TENT4A: variants seen among roughly 807,000 people sequenced by gnomAD.
TENT4A encodes terminal nucleotidyltransferase 4A, also known as DNA polymerase kappa.
A neutral mutation model predicts 72.8 loss-of-function variants in TENT4A; 7 were observed. The ratio of observed to expected loss-of-function variants is 0.10; its 90% CI spans 0.05 to 0.18. The LOEUF is 0.18. TENT4A is among the 10% of genes least tolerant of loss of function. TENT4A has a pLI of 1.00. For missense variants in TENT4A, 831 were observed against 1,017.7 expected, an observed-to-expected ratio of 0.82 and a Z score of 2.50; for synonymous variants, 456 against 434.3, an observed-to-expected ratio of 1.05 and a Z score of -0.62.
Position 6,746,232 on chromosome 5 carries a change from G to T in TENT4A, c.1264G>T (p.Ala422Ser). Residue 422 changes from alanine (A) to serine (S), a missense_variant, in exon 7 of 13, where the codon GCC becomes TCC. Ala to Ser is a moderately conservative substitution (Grantham distance 99). Coordinates refer to ENST00000230859, the MANE Select transcript of TENT4A (RefSeq NM_006999.6). ...SFLQLHPRIDARRADENLGML... is the reference protein window; with the variant it reads ...SFLQLHPRIDSRRADENLGML... Reference sequence around the variant, plus strand: ...TTTACAGTTGCATCCAAGAATTGATGCCCGGAGAGCTGATGAAAACCTTGG... The same window carrying T: ...TTTACAGTTGCATCCAAGAATTGATTCCCGGAGAGCTGATGAAAACCTTGG... 1.9e-6 allele frequency: 3 copies of T among 1,614,206 alleles called. No homozygotes were observed. The highest frequency in any genetic ancestry group is 2.5e-6 in the Non-Finnish European group (3 of 1,180,036).
At chr5:6,751,250 G>T in intron 11 of TENT4A, 53 bp downstream of exon 11, 1 of 1,578,024 alleles carries the variant, frequency 6.3e-7, no homozygotes, top group South Asian at 1.1e-5. Flanking sequence ...AACAGCATCC[G>T]AGCTGTGATA....
At position 6,757,044 on chromosome 5, in the gene TENT4A, A is replaced by G. The variant is rs1488431236; in HGVS notation, c.*2099A>G. On this transcript the variant is annotated 3_prime_UTR_variant, in exon 13 of 13. Coordinates refer to ENST00000230859, the MANE Select transcript of TENT4A (RefSeq NM_006999.6). ...TGATTTTTAATAAACTTTGGAAACC[A>G]GTTTTGTGTTTGTGTCCAAGTGTAT... 6.6e-6 allele frequency: 1 copy of G among 152,426 alleles called. No individual in the cohort carries two copies. Among genetic ancestry groups the G allele is most frequent in the African/African-American group, 2.4e-5 (1 of 41,450 alleles). The allele number at this position is 152,426 out of a possible 1,614,324, so 9.4% of individuals were successfully genotyped here. A position where few individuals can be genotyped will look rare whatever the true frequency, so the allele number is the denominator to read the frequency against.
chr5:6,730,719 T>C (rs1003686098), intron 1 of TENT4A, among the ~76,000 whole-genome samples: 1 of 147,874 alleles, frequency 6.8e-6, no homozygotes, highest in Non-Finnish European at 1.5e-5. Context: ...GTTTCATTTA[T>C]AGTTTCAGTC....
At chr5:6,748,363 G>C (rs902140105) in intron 7 of TENT4A, 101 bp from the exon 8 acceptor site, 1 of 1,482,564 alleles carries the variant, frequency 6.7e-7, no homozygotes, top group South Asian at 1.2e-5. Flanking sequence ...AAGAGTTTCA[G>C]TGGTGAGGGC....
At chr5:6,752,787 G>A in intron 11 of TENT4A, 86 bp from the exon 12 acceptor site, 2 of 1,171,202 alleles carry the variant, frequency 1.7e-6, no homozygotes, top group Non-Finnish European at 2.5e-6. Flanking sequence ...TTTATCAGCT[G>A]CCCTTTGGTG....
At chr5:6,715,397 G>A (rs1031150564) in intron 1 of TENT4A, among the ~76,000 whole-genome samples, 1 of 152,224 alleles carries the variant, frequency 6.6e-6, no homozygotes, top group Non-Finnish European at 1.5e-5. Context: ...CAGACGGCAA[G>A]GAATGAAACG....
chr5:6,746,726 A>G (rs1742120880), intron 7 of TENT4A, among the ~76,000 whole-genome samples: 1 of 152,250 alleles, frequency 6.6e-6, no homozygotes, highest in Admixed American at 6.5e-5. Context: ...TCTCTGAAGT[A>G]TGTAATATAG....
At position 6,713,867 on chromosome 5, in the gene TENT4A, C is replaced by A. The variant is rs899462455; in HGVS notation, c.-117C>A. On this transcript the variant is annotated 5_prime_UTR_variant, in exon 1 of 13. Transcript: ENST00000230859. The stretch of plus-strand genomic sequence containing the variant: ...CCCGCCGCCGCCGCCGCCGCCGCCG[C>A]CACCGGCCCAGGCCCGTCCGTCCGT... The A allele has an allele frequency of 2.6e-5, 5 of 193,830 alleles. No homozygotes were observed. The highest frequency in any genetic ancestry group is 1.0e-4 in the African/African-American group (4 of 40,158). The allele number at this position is 193,830 out of a possible 1,614,324, so 12.0% of individuals were successfully genotyped here. A position where few individuals can be genotyped will look rare whatever the true frequency, so the allele number is the denominator to read the frequency against.
intron 1 of TENT4A, among the ~76,000 whole-genome samples, chr5:6,730,448 T>TA (rs2126617793): frequency 6.6e-6 from 1 of 152,356 alleles, no homozygotes; most frequent in South Asian, 2.1e-4. Flanking sequence ...GCATTGGCTG[T>TA]CTCAGGAGGC....
intron 11 of TENT4A, among the ~76,000 whole-genome samples, chr5:6,752,015 C>T (rs749080090): frequency 1.5e-4 from 23 of 152,284 alleles, no homozygotes; most frequent in South Asian, 4.1e-4. Context: ...GACACCGTAA[C>T]GTGTCTAATT....
At chr5:6,718,394 T>C (rs1209896037) in intron 1 of TENT4A, among the ~76,000 whole-genome samples, 1 of 152,164 alleles carries the variant, frequency 6.6e-6, no homozygotes, top group East Asian at 1.9e-4. Context: ...CTTGTGATGC[T>C]CAGCAGGGCC....
chr5:6,753,693 T>C (rs7356738), intron 12 of TENT4A, among the ~76,000 whole-genome samples: 31,945 of 152,294 alleles, frequency 0.21, 3,677 homozygotes, highest in Non-Finnish European at 0.26. Flanking sequence ...CTCGGTGCTT[T>C]CATCGGTGTC....
chr5:6,739,696 G>C, intron 3 of TENT4A, 36 bp from the exon 4 acceptor site: 1 of 1,611,948 alleles, frequency 6.2e-7, no homozygotes, highest in Non-Finnish European at 8.5e-7. Flanking sequence ...GCTGTGGCGA[G>C]GGGAGCAGTG....
intron 1 of TENT4A, among the ~76,000 whole-genome samples, chr5:6,718,456 T>C (rs1740490908): frequency 6.6e-6 from 1 of 152,180 alleles, no homozygotes; most frequent in African/African-American, 2.4e-5. Context: ...TCCCATACTT[T>C]CCTGTGAGTG....
chr5:6,731,330 T>C (rs1741201001), intron 1 of TENT4A, among the ~76,000 whole-genome samples: 1 of 152,210 alleles, frequency 6.6e-6, no homozygotes, highest in Non-Finnish European at 1.5e-5. Flanking sequence ...GGAACTGAAC[T>C]CACATGCAGT....
Position 6,752,965 on chromosome 5 carries a change from C to G in TENT4A, c.2112C>G (p.Val704=). 1.2e-6 allele frequency: 2 copies of G among 1,614,188 alleles called. No individual in the cohort carries two copies. Among genetic ancestry groups the G allele is most frequent in the Non-Finnish European group, 1.7e-6 (2 of 1,180,036 alleles). ...AAGGAACTGCGTCTTTGAAAGCCGT[C>G]CACCACATGTCTTCCCCGGCCATTC... is the stretch of plus-strand genomic sequence containing the variant. ...GVEGTASLKA[V]HHMSSPAIPS... Residue 704 remains valine, a synonymous_variant, in exon 12 of 13, where the codon GTC becomes GTG. Coordinates refer to ENST00000230859, the MANE Select transcript of TENT4A (RefSeq NM_006999.6).
intron 6 of TENT4A, among the ~76,000 whole-genome samples, chr5:6,745,193 G>A (rs1742021964): frequency 6.6e-6 from 1 of 152,230 alleles, no homozygotes; most frequent in Non-Finnish European, 1.5e-5. Context: ...GAATAAGGAA[G>A]GGAATAAAGG....
At chr5:6,717,831 T>C (rs796463463) in intron 1 of TENT4A, among the ~76,000 whole-genome samples, 4 of 152,192 alleles carry the variant, frequency 2.6e-5, no homozygotes, top group African/African-American at 9.6e-5. Context: ...TTTGGGCTGT[T>C]GTTACTTTGT....
intron 2 of TENT4A, among the ~76,000 whole-genome samples, chr5:6,738,233 C>T (rs1741612298): frequency 6.6e-6 from 1 of 151,936 alleles, no homozygotes; most frequent in Non-Finnish European, 1.5e-5. Context: ...GCAGGGCTGG[C>T]CGTGCCCCAG....
Sources: gnomAD v4.1 joint callset for allele counts (sites outside exome capture counted in the v4.1 genomes callset) on GRCh38, gnomAD v4.1.1 for gene constraint, MANE v1.5 for transcripts, NCBI Gene and HGNC (gene_info 2026-07-23, HGNC 2026-07-21) for gene names.